Variants in GAK observed in about 807,000 individuals in gnomAD.
GAK encodes cyclin G associated kinase, also known as cyclin-G-associated kinase.
A neutral mutation model predicts 143.9 loss-of-function variants in GAK; 79 were observed. The observed-to-expected ratio is 0.55, with a 90% CI of 0.46 to 0.66. The LOEUF (loss-of-function observed/expected upper bound fraction) is 0.66, where lower values mean the gene tolerates loss of function less well. Among genes scored for constraint, GAK ranks in the 30% least tolerant of loss-of-function variants. The probability of loss-of-function intolerance (pLI) is 0.00; values close to 1 mark genes in which losing one functional copy is unlikely to be tolerated. For missense variants in GAK, 1,693 were observed against 1,779.7 expected, an observed-to-expected ratio of 0.95 and a Z score of 0.88; for synonymous variants, 881 against 765.5, an observed-to-expected ratio of 1.15 and a Z score of -2.49.
chr4:861,612 G>A (rs1750292289), intron 23 of GAK, among the ~76,000 whole-genome samples: 1 of 152,106 alleles, frequency 6.6e-6, no homozygotes, highest in South Asian at 2.1e-4. Context: ...GCTGAGATAA[G>A]CTACAAGCTA....
rs183655284 is a variant in GAK at position 877,179 on chromosome 4, C to A, written c.1885G>T (p.Val629Leu). The A allele has an allele frequency of 1.9e-6, 3 of 1,613,848 alleles. No individual in the cohort carries two copies. Among genetic ancestry groups the A allele is most frequent in the South Asian group, 2.2e-5 (2 of 91,072 alleles). Residue 629 changes from valine to leucine, a missense_variant, in exon 17 of 28, where the codon GTG (valine) becomes TTG (leucine). Physicochemically the swap from Val to Leu is conservative, Grantham distance 32. Transcript: ENST00000314167. ...RDFKIEDGKA[V>L]IPLGVTVQGD... is the part of the protein sequence containing the mutation. ...TGCACCGTGACGCCCAGGGGAATCA[C>A]CGCTTTGCCATCTTCAATCTTAAAG...
chr4:893,609 G>T, intron 8 of GAK, 120 bp from the exon 9 acceptor site: 1 of 750,678 alleles, frequency 1.3e-6, no homozygotes, highest in Non-Finnish European at 2.0e-6. Context: ...AGTGACGTCA[G>T]AAGCAAGAAG....
chr4:863,875 T>C (rs1750700139), intron 23 of GAK, among the ~76,000 whole-genome samples: 1 of 151,538 alleles, frequency 6.6e-6, no homozygotes, highest in Non-Finnish European at 1.5e-5. Flanking sequence ...ATACAAAAAT[T>C]AGTTGGGCGT....
chr4:892,797 A>AT (rs1181354077), intron 9 of GAK, among the ~76,000 whole-genome samples: 1 of 152,238 alleles, frequency 6.6e-6, no homozygotes, highest in South Asian at 2.1e-4. Context: ...CACAGGAGCA[A>AT]TTCATGCTGT....
In GAK at chr4:877,165, G is replaced by A. The variant is rs751743935; in HGVS notation, c.1899C>T (p.Gly633=). The change falls in exon 17 of 28, where the codon GGC becomes GGT. Residue 633 remains glycine, a synonymous_variant. Coordinates refer to ENST00000314167, the MANE Select transcript of GAK (RefSeq NM_005255.4). The part of the protein sequence containing the change: ...IEDGKAVIPL[G]VTVQGDVLIV... The stretch of plus-strand genomic sequence containing the variant: ...TGAGCACGTCTCCTTGCACCGTGAC[G>A]CCCAGGGGAATCACCGCTTTGCCAT... 109 of 1,613,778 alleles carry A rather than the reference G, an allele frequency of 6.8e-5. No individual in the cohort carries two copies. The highest frequency in any genetic ancestry group is 6.7e-4 in the East Asian group (30 of 44,882).
chr4:868,875 C>A, intron 19 of GAK, 190 bp from the exon 20 acceptor site: 1 of 614,890 alleles, frequency 1.6e-6, no homozygotes, highest in East Asian at 2.8e-5. Context: ...TCGGATGCCA[C>A]TCTGGGCCAT....
intron 3 of GAK, 184 bp downstream of exon 3, chr4:912,551 A>G: frequency 1.9e-6 from 1 of 539,756 alleles, no homozygotes; most frequent in Non-Finnish European, 3.3e-6. Flanking sequence ...TAAAAAAAAA[A>G]CAGAAAAAAC....
intron 27 of GAK, 59 bp from the exon 28 acceptor site, chr4:849,833 G>GGGCCCCC: frequency 1.7e-6 from 2 of 1,190,144 alleles, no homozygotes; most frequent in Non-Finnish European, 2.3e-6. Context: ...GGCGGGGCAG[G>GGGCCCCC]ACCCCCCCCC....
At chr4:931,194 G>C (rs1725676810) in intron 1 of GAK, among the ~76,000 whole-genome samples, 1 of 152,238 alleles carries the variant, frequency 6.6e-6, no homozygotes, top group African/African-American at 2.4e-5. Context: ...CATCCAGGGA[G>C]CTAGAAATAG....
chr4:864,263 G>A (rs1215575337), intron 23 of GAK, among the ~76,000 whole-genome samples: 10 of 152,120 alleles, frequency 6.6e-5, no homozygotes, highest in Non-Finnish European at 1.3e-4. Flanking sequence ...CAGGAGGCTG[G>A]GGTGGGAGGA....
intron 23 of GAK, among the ~76,000 whole-genome samples, chr4:864,300 G>A (rs1037353005): frequency 2.0e-5 from 3 of 152,178 alleles, no homozygotes; most frequent in African/African-American, 7.2e-5. Context: ...GGTCAATGCT[G>A]AAGTGAGTAG....
At chr4:885,415 G>A (rs945739980) in intron 11 of GAK, among the ~76,000 whole-genome samples, 6 of 152,198 alleles carry the variant, frequency 3.9e-5, no homozygotes, top group African/African-American at 7.2e-5. Flanking sequence ...CACTGCTCCT[G>A]TACCACGGCA....
chr4:900,093 G>A (rs1719572513), intron 5 of GAK, among the ~76,000 whole-genome samples: 1 of 152,254 alleles, frequency 6.6e-6, no homozygotes, highest in African/African-American at 2.4e-5. Flanking sequence ...GTGGCACACG[G>A]CCACTGAAGG....
chr4:893,799 G>A, intron 8 of GAK, 75 bp downstream of exon 8: 3 of 1,476,290 alleles, frequency 2.0e-6, no homozygotes, highest in Non-Finnish European at 2.7e-6. Flanking sequence ...GCCCCAAGGG[G>A]AGCGGGGTCT....
chr4:914,719 C>CAA (rs1722777824), intron 1 of GAK, among the ~76,000 whole-genome samples: 2 of 105,038 alleles, frequency 1.9e-5, no homozygotes, highest in Non-Finnish European at 3.9e-5. Flanking sequence ...ACACGGCCCC[C>CAA]CGCACTCAGC....
intron 11 of GAK, chr4:887,487 T>C (rs1716690225): frequency 7.1e-6 from 1 of 140,282 alleles, no homozygotes; most frequent in Non-Finnish European, 1.5e-5. Flanking sequence ...CAGGCACTTG[T>C]GTGCATGCGT....
intron 27 of GAK, 59 bp from the exon 28 acceptor site, chr4:849,833 G>GGGGCCCCCCCCCCC: frequency 2.5e-6 from 3 of 1,190,150 alleles, no homozygotes; most frequent in Non-Finnish European, 3.5e-6. Context: ...GGCGGGGCAG[G>GGGGCCCCCCCCCCC]ACCCCCCCCC....
In GAK at chr4:849,519, T is replaced by C. The variant is rs1747674700; in HGVS notation, c.*154A>G. ...GAGGCTTTGGAATGCTTTCTCTTCA[T>C]GTGCCTGGAACGCTGGGCGGGCGGT... On this transcript the variant is annotated 3_prime_UTR_variant, in exon 28 of 28. Transcript: ENST00000314167. 1.6e-5 allele frequency: 10 copies of C among 609,994 alleles called. No homozygotes were observed. The highest frequency in any genetic ancestry group is 2.9e-5 in the Admixed American group (1 of 34,180). The allele number at this position is 609,994 out of a possible 1,614,324, so 37.8% of individuals were successfully genotyped here. A position where few individuals can be genotyped will look rare whatever the true frequency, so the allele number is the denominator to read the frequency against.
intron 1 of GAK, among the ~76,000 whole-genome samples, chr4:922,871 T>A (rs1222520908): frequency 1.3e-5 from 2 of 152,234 alleles, no homozygotes; most frequent in Non-Finnish European, 2.9e-5. Flanking sequence ...AGCAGCTTTA[T>A]CTGTAGTAGC....
Sources: allele counts gnomAD v4.1 joint callset (sites outside exome capture counted in the v4.1 genomes callset), GRCh38; gene constraint gnomAD v4.1.1; transcripts MANE v1.5; gene names NCBI Gene and HGNC (gene_info 2026-07-23, HGNC 2026-07-21).